RBM33: variants seen among roughly 807,000 people sequenced by gnomAD.
The protein encoded by RBM33 is RNA-binding protein 33.
In RBM33, 28 loss-of-function variants were observed where a neutral mutation model predicts 132.6. The observed-to-expected ratio is 0.21, with a 90% CI of 0.16 to 0.29. The LOEUF (loss-of-function observed/expected upper bound fraction) is 0.29. Among genes scored for constraint, RBM33 ranks in the 10% least tolerant of loss-of-function variants. The pLI is 1.00. For synonymous variants in RBM33, 634 were observed against 593.0 expected, an observed-to-expected ratio of 1.07 and a Z score of -1.01; for missense variants, 1,291 against 1,518.5, an observed-to-expected ratio of 0.85 and a Z score of 2.49.
rs1202428371 is a variant in RBM33 at position 155,754,377 on chromosome 7, A to G, written c.2979+8775A>G. ...TGTTCTGCAGAACTTGCTCAGTGCTACAGAGCAGGTCCTTTGGAGCCACTC... is the reference window on the plus strand; with the variant it reads ...TGTTCTGCAGAACTTGCTCAGTGCTGCAGAGCAGGTCCTTTGGAGCCACTC... On this transcript the variant is annotated intron_variant, in intron 14 of 17. Coordinates refer to ENST00000401878, the MANE Select transcript of RBM33 (RefSeq NM_053043.3). Among the ~76,000 whole-genome samples the G allele has an allele frequency of 4.6e-5, 7 of 152,270 alleles. No individual in the cohort carries two copies. In the East Asian group the frequency reaches 1.4e-3, roughly 29 times the overall value.
chr7:155,685,025 T>A (rs1799435422), intron 5 of RBM33: 1 of 1,550,190 alleles, frequency 6.5e-7, no homozygotes, highest in African/African-American at 1.4e-5. Flanking sequence ...AGATTACTGA[T>A]GCCCAGGTTG....
intron 5 of RBM33, among the ~76,000 whole-genome samples, chr7:155,686,590 G>A (rs1585437375): frequency 6.6e-6 from 1 of 151,562 alleles, no homozygotes; most frequent in African/African-American, 2.4e-5. Flanking sequence ...TTAACTCGTC[G>A]TTTACATTAG....
intron 1 of RBM33, among the ~76,000 whole-genome samples, chr7:155,655,271 T>G (rs1798460164): frequency 6.6e-6 from 1 of 152,232 alleles, no homozygotes; most frequent in South Asian, 2.1e-4. Flanking sequence ...CAGTTTGACT[T>G]TAAAATTCTT....
intron 6 of RBM33, chr7:155,701,365 T>G: frequency 4.8e-6 from 1 of 206,728 alleles, no homozygotes. Context: ...AGTGTCTTCA[T>G]AGCTATATCT....
At chr7:155,772,491 C>T (rs1225737382) in intron 16 of RBM33, among the ~76,000 whole-genome samples, 1 of 152,200 alleles carries the variant, frequency 6.6e-6, no homozygotes, top group Non-Finnish European at 1.5e-5. Context: ...AAACAGGTCT[C>T]TGTCAAGAAA....
intron 8 of RBM33, among the ~76,000 whole-genome samples, chr7:155,715,124 G>A (rs961849430): frequency 3.3e-5 from 5 of 152,102 alleles, no homozygotes; most frequent in African/African-American, 9.7e-5. Context: ...CCTGAGCGTC[G>A]CTGATTGGTG....
At chr7:155,665,525 G>T (rs1798778080) in intron 2 of RBM33, among the ~76,000 whole-genome samples, 1 of 152,308 alleles carries the variant, frequency 6.6e-6, no homozygotes, top group South Asian at 2.1e-4. Context: ...TACTGACTTT[G>T]TGGACACCCA....
rs535748634 is a variant in RBM33 at position 155,690,954 on chromosome 7, G to T, written c.568-9819G>T. Among the ~76,000 whole-genome samples the T allele has an allele frequency of 2.0e-5, 3 of 152,182 alleles. No individual in the cohort carries two copies. The East Asian group carries it at 5.8e-4, about 29-fold the overall frequency. On this transcript the variant is annotated intron_variant, in intron 5 of 17. Transcript: ENST00000401878. The stretch of plus-strand genomic sequence containing the variant: ...TCTGACAATTATGTGTCTTGGAGTG[G>T]CTCTTCTCGAGGTGTATCTTTGTGG...
At chr7:155,743,767 C>T (rs1176582620) in intron 13 of RBM33, among the ~76,000 whole-genome samples, 3 of 152,194 alleles carry the variant, frequency 2.0e-5, no homozygotes, top group Non-Finnish European at 4.4e-5. Context: ...TCTTCCTTGA[C>T]TGCATGGGAA....
intron 16 of RBM33, among the ~76,000 whole-genome samples, chr7:155,773,119 G>C (rs1802484483): frequency 6.6e-6 from 1 of 152,222 alleles, no homozygotes; most frequent in Non-Finnish European, 1.5e-5. Context: ...TGTGCTGGTA[G>C]TTAGTTATTT....
chr7:155,656,715 A>G (rs936984581), intron 1 of RBM33, among the ~76,000 whole-genome samples: 1 of 152,262 alleles, frequency 6.6e-6, no homozygotes, highest in African/African-American at 2.4e-5. Context: ...TATTTGTTTT[A>G]TAGACTTTTT....
chr7:155,701,661 A>AT (rs1304607195), intron 6 of RBM33, among the ~76,000 whole-genome samples: 2 of 152,168 alleles, frequency 1.3e-5, no homozygotes, highest in African/African-American at 2.4e-5. Flanking sequence ...TTGATTAGAT[A>AT]TAGGGTAGAG....
intron 1 of RBM33, among the ~76,000 whole-genome samples, chr7:155,660,827 C>T (rs1438430322): frequency 6.6e-6 from 1 of 151,968 alleles, no homozygotes; most frequent in Non-Finnish European, 1.5e-5. Context: ...AGTATTTTTT[C>T]CTTCTCCTGT....
At chr7:155,759,975 T>C (rs891147949) in intron 14 of RBM33, among the ~76,000 whole-genome samples, 5 of 152,212 alleles carry the variant, frequency 3.3e-5, no homozygotes, top group Non-Finnish European at 5.9e-5. Flanking sequence ...GGGCTGAAAG[T>C]TGGCCTTTTA....
chr7:155,657,758 C>T (rs1056072162), intron 1 of RBM33, among the ~76,000 whole-genome samples: 2 of 152,198 alleles, frequency 1.3e-5, no homozygotes, highest in Non-Finnish European at 2.9e-5. Flanking sequence ...AGAAAAAAGT[C>T]ACAAGCTAAA....
intron 5 of RBM33, among the ~76,000 whole-genome samples, chr7:155,682,984 T>G (rs1799376538): frequency 6.6e-6 from 1 of 151,866 alleles, no homozygotes; most frequent in Non-Finnish European, 1.5e-5. Context: ...ATGAATTTTT[T>G]TTTCAGAATT....
chr7:155,670,824 C>T (rs1314085018), intron 2 of RBM33, among the ~76,000 whole-genome samples: 1 of 152,186 alleles, frequency 6.6e-6, no homozygotes, highest in East Asian at 1.9e-4. Context: ...GAAACAAGTA[C>T]TAGTCTTCAT....
chr7:155,761,611 G>A (rs1802039180), intron 14 of RBM33, among the ~76,000 whole-genome samples: 1 of 152,056 alleles, frequency 6.6e-6, no homozygotes. Context: ...AAATTTCTTA[G>A]GGTCCATTGC....
chr7:155,719,776 G>A (rs925769259), intron 9 of RBM33, among the ~76,000 whole-genome samples: 1 of 152,162 alleles, frequency 6.6e-6, no homozygotes, highest in Admixed American at 6.5e-5. Flanking sequence ...TTATATCTGT[G>A]TTAAAATCAT....
Sources: allele counts gnomAD v4.1 joint callset (sites outside exome capture counted in the v4.1 genomes callset), GRCh38; gene constraint gnomAD v4.1.1; transcripts MANE v1.5; gene names NCBI Gene and HGNC (gene_info 2026-07-23, HGNC 2026-07-21).